ME1: variants seen among roughly 807,000 people sequenced by gnomAD.
ME1 encodes malic enzyme 1, also known as NADP-dependent malic enzyme.
In ME1, 74 loss-of-function variants were observed where a neutral mutation model predicts 66.4. That is an observed-to-expected ratio of 1.11 (90% CI 0.92 to 1.35). The LOEUF (loss-of-function observed/expected upper bound fraction) is 1.35, where lower values mean the gene tolerates loss of function less well. Among genes scored for constraint, ME1 ranks in the 40% most tolerant of loss-of-function variants. ME1 has a pLI of 0.00. For missense variants in ME1, 750 were observed against 694.1 expected, an observed-to-expected ratio of 1.08 and a Z score of -0.90; for synonymous variants, 251 against 235.6, an observed-to-expected ratio of 1.07 and a Z score of -0.60.
At chr6:83,258,461 A>G (rs1284768974) in intron 6 of ME1, among the ~76,000 whole-genome samples, 1 of 152,204 alleles carries the variant, frequency 6.6e-6, no homozygotes, top group Admixed American at 6.5e-5. Context: ...TCAATTCTAC[A>G]TAACTATGAA....
At chr6:83,256,299 T>A (rs181610354) in intron 6 of ME1, among the ~76,000 whole-genome samples, 1 of 152,136 alleles carries the variant, frequency 6.6e-6, no homozygotes, top group African/African-American at 2.4e-5. Context: ...CTACAGATTT[T>A]AAAAAATTAT....
chr6:83,295,753 A>C (rs12197482), intron 6 of ME1, among the ~76,000 whole-genome samples: 10,812 of 152,262 alleles, frequency 0.071, 473 homozygotes, highest in Admixed American at 0.098. Context: ...TGAAAAAATT[A>C]ATAAGATAGG....
chr6:83,315,109 G>T (rs541397487), intron 6 of ME1, among the ~76,000 whole-genome samples: 68 of 152,240 alleles, frequency 4.5e-4, no homozygotes, highest in African/African-American at 1.6e-3. Context: ...TTCAGGGACA[G>T]CAACAGAAAT....
At chr6:83,224,796 G>A (rs942170908) in intron 11 of ME1, among the ~76,000 whole-genome samples, 1 of 151,776 alleles carries the variant, frequency 6.6e-6, no homozygotes, top group East Asian at 1.9e-4. Context: ...GAATTGGCAA[G>A]GAAGAAGAAG....
At chr6:83,428,403 G>A (rs1009172990) in intron 1 of ME1, among the ~76,000 whole-genome samples, 2 of 152,118 alleles carry the variant, frequency 1.3e-5, no homozygotes, top group Admixed American at 6.5e-5. Flanking sequence ...TATATATGTA[G>A]AATGAACTAT....
intron 2 of ME1, among the ~76,000 whole-genome samples, chr6:83,403,433 G>A (rs146226749): frequency 9.9e-4 from 150 of 152,214 alleles, no homozygotes; most frequent in Non-Finnish European, 1.8e-3. Context: ...GCACATTCTC[G>A]CTGCATCCTC....
intron 4 of ME1, among the ~76,000 whole-genome samples, chr6:83,349,003 A>C (rs1007164313): frequency 2.1e-5 from 3 of 143,480 alleles, no homozygotes; most frequent in African/African-American, 2.7e-5. Flanking sequence ...AAAAAAAAAC[A>C]AAAAACAAAA....
intron 3 of ME1, among the ~76,000 whole-genome samples, chr6:83,381,548 T>C (rs1202394839): frequency 6.6e-6 from 1 of 152,090 alleles, no homozygotes; most frequent in Non-Finnish European, 1.5e-5. Context: ...TGTATATACC[T>C]ACATGCTGTG....
At chr6:83,402,020 G>A (rs1316802617) in intron 2 of ME1, among the ~76,000 whole-genome samples, 1 of 152,142 alleles carries the variant, frequency 6.6e-6, no homozygotes, top group East Asian at 1.9e-4. Context: ...CTACCCTCAT[G>A]GTATTCCACA....
At chr6:83,422,295 T>G (rs1391073563) in intron 1 of ME1, among the ~76,000 whole-genome samples, 1 of 152,172 alleles carries the variant, frequency 6.6e-6, no homozygotes, top group African/African-American at 2.4e-5. Flanking sequence ...AAAACCAAAT[T>G]GATATCGGAA....
intron 6 of ME1, among the ~76,000 whole-genome samples, chr6:83,280,976 T>C (rs1767276911): frequency 6.6e-6 from 1 of 152,244 alleles, no homozygotes; most frequent in Non-Finnish European, 1.5e-5. Context: ...TATTGTCAAC[T>C]TGCTTTAACA....
intron 7 of ME1, among the ~76,000 whole-genome samples, chr6:83,248,222 T>C (rs2128527376): frequency 6.6e-6 from 1 of 152,318 alleles, no homozygotes. Context: ...TGTTTCCTAT[T>C]AACTCTGCAT....
chr6:83,229,869 C>A (rs991647980), intron 9 of ME1, among the ~76,000 whole-genome samples: 4 of 152,172 alleles, frequency 2.6e-5, no homozygotes, highest in African/African-American at 9.6e-5. Context: ...TTTTGTCATG[C>A]AAGTTGGAGT....
At chr6:83,365,829 T>C (rs920037245) in intron 3 of ME1, among the ~76,000 whole-genome samples, 3 of 152,216 alleles carry the variant, frequency 2.0e-5, no homozygotes, top group Admixed American at 6.5e-5. Context: ...TGTATCCCAG[T>C]TATTTCCTTC....
chr6:83,404,843 T>A (rs1769909193), intron 2 of ME1, among the ~76,000 whole-genome samples: 1 of 152,220 alleles, frequency 6.6e-6, no homozygotes, highest in South Asian at 2.1e-4. Context: ...TTCTGAGGCC[T>A]CTGTTCTGTT....
chr6:83,280,920 G>C (rs528339355), intron 6 of ME1, among the ~76,000 whole-genome samples: 2 of 152,260 alleles, frequency 1.3e-5, no homozygotes, highest in African/African-American at 4.8e-5. Flanking sequence ...GACATTAAAA[G>C]GGAGAATATT....
intron 5 of ME1, among the ~76,000 whole-genome samples, chr6:83,327,094 A>C (rs1385990047): frequency 6.6e-6 from 1 of 152,212 alleles, no homozygotes; most frequent in Admixed American, 6.5e-5. Context: ...TCACTTCCCC[A>C]ATCAATACCC....
At chr6:83,420,903 GTTTTTGT>G (rs1051741676) in intron 1 of ME1, among the ~76,000 whole-genome samples, 4 of 151,728 alleles carry the variant, frequency 2.6e-5, no homozygotes, top group African/African-American at 7.3e-5. Context: ...TGTTGTTTTT[GTTTTTGT>G]TTTTTGTTTT....
intron 2 of ME1, among the ~76,000 whole-genome samples, chr6:83,399,096 C>T (rs776796344): frequency 5.3e-5 from 8 of 151,970 alleles, no homozygotes; most frequent in Non-Finnish European, 4.4e-5. Context: ...TGGGTTCAAG[C>T]GTTTTCTCCT....
Sources: allele counts gnomAD v4.1 joint callset (sites outside exome capture counted in the v4.1 genomes callset), GRCh38; gene constraint gnomAD v4.1.1; transcripts MANE v1.5; gene names NCBI Gene and HGNC (gene_info 2026-07-23, HGNC 2026-07-21).